SOX6: variants seen among roughly 807,000 people sequenced by gnomAD.
The protein encoded by SOX6 is transcription factor SOX-6.
SOX6 carries 11 observed loss-of-function variants against 97.8 expected under a neutral mutation model. That is an observed-to-expected ratio of 0.11 (90% CI 0.07 to 0.19). The LOEUF (loss-of-function observed/expected upper bound fraction) is 0.19, where lower values mean the gene tolerates loss of function less well. Ranked by LOEUF, SOX6 falls within the 10% of genes least tolerant of loss-of-function variation. The probability of loss-of-function intolerance (pLI) is 1.00; values close to 1 mark genes in which losing one functional copy is unlikely to be tolerated. For missense variants in SOX6, 810 were observed against 1,039.5 expected (o/e 0.78, Z 3.04); for synonymous variants, 360 against 371.4 (o/e 0.97, Z 0.35).
intron 6 of SOX6, among the ~76,000 whole-genome samples, chr11:16,115,838 T>C (rs1399033415): frequency 6.6e-6 from 1 of 152,202 alleles, no homozygotes; most frequent in East Asian, 1.9e-4. Context: ...CAAAAGCATA[T>C]TGCTGGAGTT....
chr11:16,068,067 G>A (rs1449614767), intron 9 of SOX6, among the ~76,000 whole-genome samples: 2 of 152,134 alleles, frequency 1.3e-5, no homozygotes, highest in Admixed American at 6.5e-5. Context: ...TCATTCAAGG[G>A]GACAATAGAA....
chr11:15,994,455 A>T (rs200588418), intron 13 of SOX6, among the ~76,000 whole-genome samples: 1 of 119,104 alleles, frequency 8.4e-6, no homozygotes. Flanking sequence ...AAAAAAGGGG[A>T]GTATAAGAGA....
At chr11:16,297,019 C>A (rs1367387198) in intron 3 of SOX6, among the ~76,000 whole-genome samples, 1 of 151,742 alleles carries the variant, frequency 6.6e-6, no homozygotes, top group Non-Finnish European at 1.5e-5. Flanking sequence ...AATTATATTT[C>A]AAAATAAAAG....
intron 1 of SOX6, among the ~76,000 whole-genome samples, chr11:16,394,348 C>T (rs1858279592): frequency 6.6e-6 from 1 of 151,858 alleles, no homozygotes; most frequent in Non-Finnish European, 1.5e-5. Context: ...TCTATGACCT[C>T]AAGTGAGACG....
intron 4 of SOX6, among the ~76,000 whole-genome samples, chr11:16,541,451 CA>C (rs1357097507): frequency 1.3e-5 from 2 of 152,154 alleles, no homozygotes; most frequent in Admixed American, 1.3e-4. Context: ...GCAATGGCAA[CA>C]AAAGCCAAAA....
intron 13 of SOX6, among the ~76,000 whole-genome samples, chr11:16,012,665 T>A (rs1854766774): frequency 6.6e-6 from 1 of 151,992 alleles, no homozygotes; most frequent in Non-Finnish European, 1.5e-5. Context: ...AGGGACCACG[T>A]GTTTCTGCAT....
intron 1 of SOX6, among the ~76,000 whole-genome samples, chr11:16,452,808 G>A (rs74867004): frequency 0.016 from 2,380 of 152,160 alleles, 60 homozygotes; most frequent in African/African-American, 0.054. Context: ...CTGAAGAAAG[G>A]GAAGAAGCCC....
intron 2 of SOX6, among the ~76,000 whole-genome samples, chr11:16,337,533 C>T (rs957060614): frequency 3.9e-5 from 6 of 151,998 alleles, no homozygotes; most frequent in African/African-American, 1.2e-4. Context: ...CTAATGAGAA[C>T]AAAAGCACAT....
chr11:16,095,452 C>G (rs1211047785), intron 9 of SOX6, among the ~76,000 whole-genome samples: 2 of 151,734 alleles, frequency 1.3e-5, no homozygotes, highest in African/African-American at 4.8e-5. Flanking sequence ...CATCCAGGCC[C>G]AGGCACCCAC....
At chr11:16,496,776 C>T (rs1269420122) in intron 4 of SOX6, among the ~76,000 whole-genome samples, 2 of 152,148 alleles carry the variant, frequency 1.3e-5, no homozygotes, top group South Asian at 4.1e-4. Context: ...GGGGGAGGGG[C>T]ACACACCACT....
intron 6 of SOX6, among the ~76,000 whole-genome samples, chr11:16,127,712 C>T (rs1485526374): frequency 6.6e-6 from 1 of 151,982 alleles, no homozygotes; most frequent in African/African-American, 2.4e-5. Context: ...ACATATATGC[C>T]ACTTGGAACT....
intron 4 of SOX6, among the ~76,000 whole-genome samples, chr11:16,219,195 G>A (rs918250153): frequency 3.9e-5 from 6 of 152,018 alleles, no homozygotes; most frequent in Admixed American, 2.0e-4. Context: ...AAAGAGGCTT[G>A]AGGAAAAATA....
chr11:16,315,235 A>G (rs1224832540), intron 3 of SOX6: 1 of 152,078 alleles, frequency 6.6e-6, no homozygotes, highest in African/African-American at 2.4e-5. Context: ...CTGTTTTAAT[A>G]TGATTCATTT....
At chr11:16,732,408 A>G (rs934849593) in intron 2 of SOX6, among the ~76,000 whole-genome samples, 2 of 152,196 alleles carry the variant, frequency 1.3e-5, no homozygotes, top group Non-Finnish European at 2.9e-5. Context: ...AACAGAACAG[A>G]ACAGAGGCTT....
chr11:16,564,780 T>G (rs1847851463), intron 4 of SOX6, among the ~76,000 whole-genome samples: 1 of 151,602 alleles, frequency 6.6e-6, no homozygotes, highest in Non-Finnish European at 1.5e-5. Flanking sequence ...AAAATGAAAA[T>G]ATATCAAAAT....
chr11:16,038,853 T>A (rs1855583086), intron 12 of SOX6, among the ~76,000 whole-genome samples: 1 of 152,142 alleles, frequency 6.6e-6, no homozygotes, highest in Admixed American at 6.6e-5. Context: ...GAAAGATCTG[T>A]TAAGAAATAG....
At chr11:16,266,375 A>T (rs1179380143) in intron 3 of SOX6, among the ~76,000 whole-genome samples, 2 of 151,726 alleles carry the variant, frequency 1.3e-5, no homozygotes, top group Non-Finnish European at 3.0e-5. Flanking sequence ...TTAGACACAT[A>T]AAAGCTGATA....
chr11:16,345,516 T>G (rs297342), intron 1 of SOX6, among the ~76,000 whole-genome samples: 59,895 of 151,758 alleles, frequency 0.39, 12,499 homozygotes, highest in East Asian at 0.48. Flanking sequence ...TACGAACACC[T>G]CTAGAAAGGT....
At chr11:16,553,760 A>C (rs1435921326) in intron 4 of SOX6, among the ~76,000 whole-genome samples, 3 of 152,090 alleles carry the variant, frequency 2.0e-5, no homozygotes. Context: ...AGTAAATAAA[A>C]TGACAAGAAA....
Sources: allele counts gnomAD v4.1 joint callset (sites outside exome capture counted in the v4.1 genomes callset), GRCh38; gene constraint gnomAD v4.1.1; transcripts MANE v1.5; gene names NCBI Gene and HGNC (gene_info 2026-07-23, HGNC 2026-07-21).